SECISBP2L: variants seen among roughly 807,000 people sequenced by gnomAD.
SECISBP2L encodes the protein SECIS binding protein 2 like.
Under a neutral mutation model 114.7 loss-of-function variants are expected in SECISBP2L, and 43 were observed. The ratio of observed to expected loss-of-function variants is 0.38; its 90% confidence interval spans 0.29 to 0.48. The LOEUF (loss-of-function observed/expected upper bound fraction) is 0.48, where lower values mean the gene tolerates loss of function less well. SECISBP2L is among the 20% of genes least tolerant of loss of function. The probability of loss-of-function intolerance (pLI) is 0.98; values close to 1 mark genes in which losing one functional copy is unlikely to be tolerated. For missense variants in SECISBP2L, 1,136 were observed against 1,301.1 expected (o/e 0.87, Z 1.95); for synonymous variants, 451 against 439.7 (o/e 1.03, Z -0.32).
At chr15:49,010,712 T>C (rs1333453317) in intron 13 of SECISBP2L, among the ~76,000 whole-genome samples, 10 of 152,112 alleles carry the variant, frequency 6.6e-5, no homozygotes, top group Non-Finnish European at 1.2e-4. Flanking sequence ...GGGTTTTGCC[T>C]TGTTGTCCAG....
At chr15:49,003,382 A>C (rs1902250403) in intron 14 of SECISBP2L, among the ~76,000 whole-genome samples, 1 of 152,228 alleles carries the variant, frequency 6.6e-6, no homozygotes, top group Admixed American at 6.5e-5. Flanking sequence ...TGTCATCTGC[A>C]AACAGAGACA....
At chr15:49,008,706 C>A (rs1902372245) in intron 14 of SECISBP2L, among the ~76,000 whole-genome samples, 1 of 152,322 alleles carries the variant, frequency 6.6e-6, no homozygotes, top group South Asian at 2.1e-4. Flanking sequence ...TCCTTCACAG[C>A]AATAACTGTT....
At chr15:49,006,579 C>T (rs1437478564) in intron 14 of SECISBP2L, among the ~76,000 whole-genome samples, 3 of 152,050 alleles carry the variant, frequency 2.0e-5, no homozygotes, top group Admixed American at 6.6e-5. Context: ...AGTTCTCGTG[C>T]TGTTTTTCAG....
At chr15:49,007,403 C>T (rs1306445487) in intron 14 of SECISBP2L, among the ~76,000 whole-genome samples, 3 of 152,200 alleles carry the variant, frequency 2.0e-5, no homozygotes, top group Non-Finnish European at 2.9e-5. Flanking sequence ...ACAGCTGCCC[C>T]TTCCCCAAGA....
At chr15:49,013,204 T>C (rs1902471590) in intron 11 of SECISBP2L, 1 of 158,932 alleles carries the variant, frequency 6.3e-6, no homozygotes, top group Non-Finnish European at 1.4e-5. Flanking sequence ...ATCTTATCTA[T>C]CACTTCTCTC....
intron 14 of SECISBP2L, among the ~76,000 whole-genome samples, chr15:49,005,418 G>A (rs1214762301): frequency 6.6e-6 from 1 of 152,180 alleles, no homozygotes; most frequent in Non-Finnish European, 1.5e-5. Flanking sequence ...GGGTGCTCTT[G>A]TATTGGGTGC....
intron 7 of SECISBP2L, among the ~76,000 whole-genome samples, chr15:49,023,863 T>C (rs940733030): frequency 6.6e-6 from 1 of 152,152 alleles, no homozygotes; most frequent in African/African-American, 2.4e-5. Context: ...GAAAAAACTC[T>C]GGAAGACAAG....
At position 49,044,543 on chromosome 15, in the gene SECISBP2L, T is replaced by C. The variant is rs114275222; in HGVS notation, c.24+1733A>G. On this transcript the variant is annotated intron_variant, in intron 1 of 17. Coordinates refer to ENST00000559471, the MANE Select transcript of SECISBP2L (RefSeq NM_001193489.2). ...TTTCTATATATATTTTCTGAGTGTA[T>C]AGGGAAGTGGAGGATTTTCAAATTA... 2.5e-3 allele frequency among the ~76,000 whole-genome samples: 380 copies of C among 152,228 alleles called. 1 individual carries two copies. Among genetic ancestry groups the C allele is most frequent in the African/African-American group, 8.8e-3 (364 of 41,548 alleles).
chr15:49,027,610 A>ATTT (rs1038828132), intron 6 of SECISBP2L, 130 bp from the exon 7 acceptor site: 2 of 358,466 alleles, frequency 5.6e-6, no homozygotes, highest in Non-Finnish European at 9.9e-6. Flanking sequence ...AAACCTTATT[A>ATTT]TTTTTTTTTT....
chr15:49,019,426 A>G lies in SECISBP2L; in HGVS notation c.1162T>C (p.Tyr388His). Residue 388 changes from tyrosine to histidine, a missense_variant, in exon 8 of 18, where the codon TAT (tyrosine) becomes CAT (histidine). Coordinates refer to ENST00000559471, the MANE Select transcript of SECISBP2L (RefSeq NM_001193489.2). ...GAGTTTGAAAAAAATACCTCAAAAT[A>G]TAAAGACTCAGAATTTGGATCGCTT... ...HRSDPNSESL[Y>H]FEDEDGFQEL... The G allele has an allele frequency of 1.4e-6, 2 of 1,445,328 alleles. No individual in the cohort carries two copies. The highest frequency in any genetic ancestry group is 3.1e-5 in the Admixed American group (1 of 31,816). The allele number at this position is 1,445,328 out of a possible 1,614,324, so 89.5% of individuals were successfully genotyped here.
At chr15:49,001,459 C>CTTTTTTTTTTTTTTTTT (rs35210250) in intron 14 of SECISBP2L, among the ~76,000 whole-genome samples, 2 of 144,510 alleles carry the variant, frequency 1.4e-5, no homozygotes, top group Non-Finnish European at 3.0e-5. Flanking sequence ...ACATCGTATT[C>CTTTTTTTTTTTTTTTTT]TTTTTTTTTT....
At chr15:49,004,238 T>C (rs917498000) in intron 14 of SECISBP2L, among the ~76,000 whole-genome samples, 4 of 152,226 alleles carry the variant, frequency 2.6e-5, no homozygotes, top group African/African-American at 7.2e-5. Flanking sequence ...GAGCTGTTTA[T>C]AGTATTCTCT....
At chr15:49,019,583 T>C in intron 7 of SECISBP2L, 31 bp from the exon 8 acceptor site, 1 of 1,417,094 alleles carries the variant, frequency 7.1e-7, no homozygotes. Context: ...AAAAAAAATC[T>C]AATTATTTTT....
At chr15:49,033,707 C>T (rs143571146) in intron 3 of SECISBP2L, among the ~76,000 whole-genome samples, 283 of 152,098 alleles carry the variant, frequency 1.9e-3, no homozygotes, top group Middle Eastern at 3.4e-3. Context: ...ACAAAGGCAT[C>T]GGTAGTCTTA....
At position 48,992,533 on chromosome 15, in the gene SECISBP2L, G is replaced by T; in HGVS notation, c.3017C>A (p.Pro1006His). 6.2e-7 allele frequency: 1 copy of T among 1,614,158 alleles called. No individual in the cohort carries two copies. Among genetic ancestry groups the T allele is most frequent in the Non-Finnish European group, 8.5e-7 (1 of 1,180,028 alleles). ...EEEEEDYTHEPISVEVQLNSR... is the reference protein window; with the variant it reads ...EEEEEDYTHEHISVEVQLNSR... ...ATTGAGCTGCACTTCTACAGATATG[G>T]GTTCATGAGTATAATCTTCCTCCTC... is the stretch of plus-strand genomic sequence containing the variant. The change falls in exon 18 of 18, where the codon CCC becomes CAC. Residue 1006 changes from proline (P) to histidine (H), a missense_variant. Transcript: ENST00000559471.
In SECISBP2L at chr15:49,011,663, T is replaced by C. The variant is rs1902438440; in HGVS notation, c.1864+68A>G. ...TCCAATCAGGAGCATTAACTAGTGA[T>C]AGCTTACGTATCTATTAAAATATTT... On this transcript the variant is annotated intron_variant, in intron 13 of 17. Transcript: ENST00000559471. 2.6e-6 allele frequency: 4 copies of C among 1,552,032 alleles called. No homozygotes were observed. The East Asian group carries it at 6.8e-5, about 26-fold the overall frequency.
chr15:48,993,228 T>G (rs1902026022), intron 17 of SECISBP2L, among the ~76,000 whole-genome samples: 1 of 151,796 alleles, frequency 6.6e-6, no homozygotes, highest in South Asian at 2.1e-4. Flanking sequence ...GCTCAATCTA[T>G]CCTCCTATCT....
In SECISBP2L at chr15:49,012,679, G is replaced by A. The variant is rs1433524449; in HGVS notation, c.1700C>T (p.Ala567Val). 7.0e-6 allele frequency: 11 copies of A among 1,570,348 alleles called. No individual in the cohort carries two copies. In the South Asian group the frequency reaches 1.2e-4, roughly 17 times the overall value. ...AAGTGCTGTGGGTCGTTTTAGTTTT[G>A]CAATTTCCTTCTCTTTTCCTTTTTT... ...KAKKGKEKEI[A>V]KLKRPTALKK... Residue 567 changes from alanine (A) to valine (V), a missense_variant, in exon 12 of 18, where the codon GCA becomes GTA. This residue lies in a region of SECISBP2L where 684 missense variants were observed against 848.7 expected (regional missense o/e 0.81). Coordinates refer to ENST00000559471, the MANE Select transcript of SECISBP2L (RefSeq NM_001193489.2).
At chr15:49,029,068 G>C (rs1020684310) in intron 4 of SECISBP2L, among the ~76,000 whole-genome samples, 4 of 152,094 alleles carry the variant, frequency 2.6e-5, no homozygotes, top group South Asian at 4.1e-4. Flanking sequence ...TGCCCAGGCT[G>C]GTCTCAAACT....
Sources: gnomAD v4.1 joint callset for allele counts (sites outside exome capture counted in the v4.1 genomes callset) on GRCh38, gnomAD v4.1.1 for gene constraint, gnomAD v4.1.1 regional missense constraint, MANE v1.5 for transcripts, NCBI Gene and HGNC (gene_info 2026-07-23, HGNC 2026-07-21) for gene names.